ARHGEF10: variants seen among roughly 807,000 people sequenced by gnomAD.
ARHGEF10 encodes the protein Rho guanine nucleotide exchange factor (GEF) 10.
A neutral mutation model predicts 147.4 loss-of-function variants in ARHGEF10; 140 were observed. The observed-to-expected ratio is 0.95, with a 90% CI of 0.83 to 1.09. ARHGEF10 has a LOEUF of 1.09. Ranked by LOEUF, ARHGEF10 falls within the 50% of genes least tolerant of loss-of-function variation. The pLI is 0.00. For synonymous variants in ARHGEF10, 902 were observed against 695.8 expected, an observed-to-expected ratio of 1.30 and a Z score of -4.67; for missense variants, 2,222 against 1,752.7, an observed-to-expected ratio of 1.27 and a Z score of -4.78.
intron 11 of ARHGEF10, among the ~76,000 whole-genome samples, chr8:1,891,288 CTT>C (rs1447615843): frequency 6.6e-6 from 1 of 152,154 alleles, no homozygotes. Flanking sequence ...AGAGTTTTCT[CTT>C]GAGTGGTTAA....
intron 26 of ARHGEF10, among the ~76,000 whole-genome samples, chr8:1,944,633 A>T (rs1023757395): frequency 6.6e-6 from 1 of 152,132 alleles, no homozygotes. Context: ...GTGGGTTTTT[A>T]TGAGTTTCAT....
rs1190373985 is a variant in ARHGEF10 at position 1,882,828 on chromosome 8, TG to T, written c.1075+85del. 2.0e-4 allele frequency: 47 copies of T among 233,958 alleles called. No homozygotes were observed. The African/African-American group carries it at 2.1e-3, about 10-fold the overall frequency. 14.5% of individuals were successfully genotyped at this position (233,958 alleles called of 1,614,324 possible). On this transcript the variant is annotated intron_variant, in intron 10 of 28. Coordinates refer to ENST00000349830, the MANE Select transcript of ARHGEF10 (RefSeq NM_014629.4). ...CACATCTTGTGGGGAGGACTCGGGGTGGGGGGCGGCCGCGCAGGCTCCCACA... is the reference window on the plus strand; with the variant it reads ...CACATCTTGTGGGGAGGACTCGGGGTGGGGGCGGCCGCGCAGGCTCCCACA...
At chr8:1,852,111 G>A (rs1418485693) in intron 2 of ARHGEF10, among the ~76,000 whole-genome samples, 1 of 152,070 alleles carries the variant, frequency 6.6e-6, no homozygotes, top group African/African-American at 2.4e-5. Flanking sequence ...GAATTGATAA[G>A]AATTAAATAA....
intron 15 of ARHGEF10, among the ~76,000 whole-genome samples, chr8:1,899,875 G>T (rs895886486): frequency 6.6e-6 from 1 of 152,156 alleles, no homozygotes; most frequent in Non-Finnish European, 1.5e-5. Flanking sequence ...GGGTCAGGCC[G>T]CCTGTTAGAC....
intron 5 of ARHGEF10, among the ~76,000 whole-genome samples, chr8:1,865,511 C>T (rs1392647597): frequency 6.6e-6 from 1 of 151,740 alleles, no homozygotes; most frequent in African/African-American, 2.4e-5. Context: ...TCCCCCAGCA[C>T]CCATGAGGCC....
At chr8:1,929,863 T>C (rs1464120091) in intron 25 of ARHGEF10, among the ~76,000 whole-genome samples, 1 of 152,146 alleles carries the variant, frequency 6.6e-6, no homozygotes, top group Non-Finnish European at 1.5e-5. Context: ...TCCCTGCTGT[T>C]CTCTTGGCCA....
intron 21 of ARHGEF10, 77 bp downstream of exon 21, chr8:1,923,951 G>A: frequency 7.2e-7 from 1 of 1,386,064 alleles, no homozygotes; most frequent in Non-Finnish European, 1.0e-6. Context: ...TGAGGTCAGG[G>A]TTGAGAAGGA....
rs549896321 is a variant in ARHGEF10 at position 1,841,828 on chromosome 8, G to A, written c.-47-1525G>A. Among the ~76,000 whole-genome samples, 254 of 97,686 alleles carry A rather than the reference G, an allele frequency of 2.6e-3. 4 individuals are homozygous for A. The highest frequency in any genetic ancestry group is 8.4e-3 in the African/African-American group (239 of 28,596). The allele number at this position is 97,686 out of a possible 152,430, so 64.1% of individuals were successfully genotyped here. On this transcript the variant is annotated intron_variant, in intron 1 of 28. Transcript: ENST00000349830. ...GGAACTGGGGCCGCGGCGGGAACTGGGGCCGCGACGGGAACTGGGGCCGCG... is the reference window on the plus strand; with the variant it reads ...GGAACTGGGGCCGCGGCGGGAACTGAGGCCGCGACGGGAACTGGGGCCGCG...
chr8:1,917,101 G>A (rs1811816081), intron 18 of ARHGEF10, among the ~76,000 whole-genome samples: 1 of 152,244 alleles, frequency 6.6e-6, no homozygotes, highest in Non-Finnish European at 1.5e-5. Context: ...ACTACGAACA[G>A]TGACGTGGAG....
Position 1,948,499 on chromosome 8 carries a change from G to T in ARHGEF10, c.3397+2844G>T, listed in dbSNP as rs1814771246. Among the ~76,000 whole-genome samples the T allele has an allele frequency of 6.6e-6, 1 of 152,202 alleles. No homozygotes were observed. Among genetic ancestry groups the T allele is most frequent in the Admixed American group, 6.5e-5 (1 of 15,290 alleles). ...ACATTCAGTTCTCTGCTCCCAGGCT[G>T]TGGTCTGCTGCCACCGTGGCCTTGT... is the stretch of plus-strand genomic sequence containing the variant. On this transcript the variant is annotated intron_variant, in intron 27 of 28. Transcript: ENST00000349830. The surrounding 1 kb of genome is among the most constrained non-coding windows in gnomAD (Gnocchi z 4.9).
intron 18 of ARHGEF10, among the ~76,000 whole-genome samples, chr8:1,910,801 A>G (rs1401633122): frequency 6.6e-6 from 1 of 152,232 alleles, no homozygotes; most frequent in Non-Finnish European, 1.5e-5. Flanking sequence ...CATGTATTTT[A>G]TAATGCTAGC....
At position 1,923,804 on chromosome 8, in the gene ARHGEF10, G is replaced by T; in HGVS notation, c.2418G>T (p.Val806=). ...GGCGACCGACGTTCTTTACAGCTGT[G>T]TTCAATACGTTCACCCCTGCCATCA... ...KSGRPTFFTA[V]FNTFTPAIKE... Residue 806 remains valine, a synonymous_variant, in exon 21 of 29, where the codon GTG becomes GTT. Transcript: ENST00000349830. The T allele has an allele frequency of 1.9e-6, 3 of 1,614,178 alleles. No homozygotes were observed. The highest frequency in any genetic ancestry group is 2.5e-6 in the Non-Finnish European group (3 of 1,180,038).
chr8:1,865,540 G>A (rs768514838), intron 5 of ARHGEF10, among the ~76,000 whole-genome samples: 24 of 137,134 alleles, frequency 1.8e-4, no homozygotes, highest in Non-Finnish European at 2.7e-4. Context: ...GACACAGGGC[G>A]TCCCCCGGCA....
chr8:1,867,206 C>A (rs111652510), intron 6 of ARHGEF10, among the ~76,000 whole-genome samples: 1 of 152,010 alleles, frequency 6.6e-6, no homozygotes, highest in Non-Finnish European at 1.5e-5. Context: ...AGTTCTGTAG[C>A]GTATTTTTCC....
At position 1,919,888 on chromosome 8, in the gene ARHGEF10, G is replaced by C. The variant is rs112997595; in HGVS notation, c.2144-3076G>C. Among the ~76,000 whole-genome samples, 818 of 133,782 alleles carry C rather than the reference G, an allele frequency of 6.1e-3. 38 individuals carry two copies. Among genetic ancestry groups the C allele is most frequent in the African/African-American group, 0.022 (755 of 34,502 alleles). The allele number at this position is 133,782 out of a possible 152,430, so 87.8% of individuals were successfully genotyped here. A position where few individuals can be genotyped will look rare whatever the true frequency, so the allele number is the denominator to read the frequency against. On this transcript the variant is annotated intron_variant, in intron 18 of 28. Transcript: ENST00000349830. ...GGAGCTGCTCTGTGGGTGATGAGCT[G>C]TTCTGTCAGTGATGGAGCTGTTCTG...
intron 2 of ARHGEF10, among the ~76,000 whole-genome samples, chr8:1,849,380 A>AC: frequency 1.3e-5 from 2 of 151,202 alleles, no homozygotes; most frequent in Admixed American, 6.6e-5. Context: ...GTGGACACAG[A>AC]AGGCAAATGC....
intron 21 of ARHGEF10, 103 bp downstream of exon 21, chr8:1,923,977 C>G (rs1812492548): frequency 2.8e-6 from 3 of 1,069,776 alleles, no homozygotes; most frequent in Non-Finnish European, 4.3e-6. Context: ...AGCAGTAGAT[C>G]CATGCATTGA....
intron 2 of ARHGEF10, among the ~76,000 whole-genome samples, chr8:1,853,136 C>G (rs982285637): frequency 6.6e-6 from 1 of 152,216 alleles, no homozygotes; most frequent in African/African-American, 2.4e-5. Context: ...ACGGGCTGCA[C>G]TGCCGTCTGT....
At chr8:1,872,677 C>A (rs1025256339) in intron 7 of ARHGEF10, among the ~76,000 whole-genome samples, 1 of 152,204 alleles carries the variant, frequency 6.6e-6, no homozygotes, top group Non-Finnish European at 1.5e-5. Flanking sequence ...GACCATCCAA[C>A]ATTAAAAACT....
Sources: allele counts gnomAD v4.1 joint callset (sites outside exome capture counted in the v4.1 genomes callset), GRCh38; gene constraint gnomAD v4.1.1; non-coding constraint Gnocchi (gnomAD v3.1); transcripts MANE v1.5; gene names NCBI Gene and HGNC (gene_info 2026-07-23, HGNC 2026-07-21).